The following EXOC4 variants were observed in gnomAD, a reference collection of about 807,000 sequenced individuals.
EXOC4 encodes SEC8-like 1.
EXOC4 carries 71 observed loss-of-function variants against 107.2 expected under a neutral mutation model. That is an observed-to-expected ratio of 0.66 (90% CI 0.55 to 0.81). EXOC4 has a LOEUF of 0.81. EXOC4 is among the 30% of genes least tolerant of loss of function. EXOC4 has a pLI of 0.00. For synonymous variants in EXOC4, 456 were observed against 441.2 expected (o/e 1.03, Z -0.42); for missense variants, 1,108 against 1,189.6 (o/e 0.93, Z 1.01).
At chr7:134,078,851 C>G in the EXOC4 span, among the ~76,000 whole-genome samples, 28,082 of 152,170 alleles carry the variant, frequency 0.18, 3,633 homozygotes, top group African/African-American at 0.37. Context: ...TATAGAACTT[C>G]TTGCATCTTG....
chr7:133,702,933 T>A (rs1285937298), intron 10 of EXOC4, among the ~76,000 whole-genome samples: 2 of 152,208 alleles, frequency 1.3e-5, no homozygotes, highest in African/African-American at 2.4e-5. Context: ...ATTATCACAA[T>A]CACCTTGATT....
At chr7:133,342,239 G>T (rs541198874) in intron 5 of EXOC4, among the ~76,000 whole-genome samples, 1 of 152,008 alleles carries the variant, frequency 6.6e-6, no homozygotes, top group Non-Finnish European at 1.5e-5. Context: ...TAGTAGTGGC[G>T]AATTCTCTTA....
intron 6 of EXOC4, among the ~76,000 whole-genome samples, chr7:133,364,445 T>C (rs1796207138): frequency 6.6e-6 from 1 of 152,002 alleles, no homozygotes; most frequent in Admixed American, 6.5e-5. Flanking sequence ...TGGCCAGTTT[T>C]AATGAATGAA....
intron 14 of EXOC4, among the ~76,000 whole-genome samples, chr7:133,947,741 T>A (rs2116775356): frequency 6.6e-6 from 1 of 152,330 alleles, no homozygotes; most frequent in Non-Finnish European, 1.5e-5. Context: ...TTCTAAGTAC[T>A]TGCCCATAAA....
chr7:133,903,174 A>G (rs981462559), intron 12 of EXOC4, among the ~76,000 whole-genome samples: 24 of 152,230 alleles, frequency 1.6e-4, no homozygotes, highest in African/African-American at 5.3e-4. Context: ...GTATTGAAGG[A>G]TCACCAAGAG....
At chr7:133,787,293 A>G (rs960772857) in intron 10 of EXOC4, among the ~76,000 whole-genome samples, 20 of 149,666 alleles carry the variant, frequency 1.3e-4, no homozygotes, top group Middle Eastern at 3.4e-3. Context: ...CAGCCTCCCA[A>G]GTAGCTGGCA....
intron 11 of EXOC4, among the ~76,000 whole-genome samples, chr7:133,872,227 A>T (rs990299983): frequency 5.9e-5 from 9 of 152,232 alleles, no homozygotes; most frequent in African/African-American, 1.9e-4. Flanking sequence ...TTTTATTTCA[A>T]ATATAAACCC....
At chr7:133,435,291 TA>T (rs370423417) in intron 7 of EXOC4, among the ~76,000 whole-genome samples, 100 of 149,908 alleles carry the variant, frequency 6.7e-4, no homozygotes, top group African/African-American at 2.2e-3. Flanking sequence ...AGACTTCCAT[TA>T]AAAAAAAAAT....
intron 11 of EXOC4, among the ~76,000 whole-genome samples, chr7:133,852,678 A>C (rs967335775): frequency 6.6e-6 from 1 of 152,222 alleles, no homozygotes; most frequent in African/African-American, 2.4e-5. Context: ...AAGTTTAATC[A>C]ATAGTTTCTA....
Position 133,417,671 on chromosome 7 carries a change from G to A in EXOC4, c.1182+42669G>A, listed in dbSNP as rs549493102. Among the ~76,000 whole-genome samples the A allele has an allele frequency of 1.2e-4, 18 of 152,162 alleles. No individual in the cohort carries two copies. The South Asian group carries it at 2.7e-3, about 23-fold the overall frequency. On this transcript the variant is annotated intron_variant, in intron 7 of 17. Transcript: ENST00000253861. ...TCTGCCTCTGTACTAGTGACATCAA[G>A]GACAGATCATATGAGTAATATCCCC...
chr7:133,971,361 T>TATATATATATATATAGAG (rs1489958236), intron 14 of EXOC4, among the ~76,000 whole-genome samples: 7 of 75,068 alleles, frequency 9.3e-5, no homozygotes, highest in South Asian at 1.0e-3. Context: ...TATATATATA[T>TATATATATATATATAGAG]AGAGAGAGAG....
At chr7:133,971,351 TATATATATATAGAGAGAGAGAGAG>T (rs1450527504) in intron 14 of EXOC4, among the ~76,000 whole-genome samples, 1 of 102,296 alleles carries the variant, frequency 9.8e-6, no homozygotes, top group Admixed American at 1.1e-4. Flanking sequence ...TATATATATA[TATATATATATAGAGAGAGAGAGAG>T]AGAGAGAGAG....
Position 133,508,209 on chromosome 7 carries a change from G to A in EXOC4, c.1417+28071G>A, listed in dbSNP as rs533056168. ...GAGAACTTAAGTCTTTTCAATGAAA[G>A]AAATGAAATATGAAGTATTTCCCGA... On this transcript the variant is annotated intron_variant, in intron 9 of 17. Transcript: ENST00000253861. 1.4e-4 allele frequency among the ~76,000 whole-genome samples: 21 copies of A among 152,066 alleles called. 3 individuals are homozygous for A. The South Asian group carries it at 4.4e-3, about 32-fold the overall frequency.
chr7:133,937,323 A>G (rs1800326935), intron 13 of EXOC4, among the ~76,000 whole-genome samples: 1 of 152,150 alleles, frequency 6.6e-6, no homozygotes, highest in Non-Finnish European at 1.5e-5. Context: ...AAATGCCTTA[A>G]TACTTATACT....
intron 9 of EXOC4, among the ~76,000 whole-genome samples, chr7:133,530,393 T>TA (rs1800159262): frequency 6.6e-6 from 1 of 152,216 alleles, no homozygotes; most frequent in Admixed American, 6.5e-5. Flanking sequence ...CATAGCCTAC[T>TA]ACACACCTAG....
chr7:134,036,240 C>T (rs754743733), intron 17 of EXOC4, among the ~76,000 whole-genome samples: 1 of 151,998 alleles, frequency 6.6e-6, no homozygotes, highest in Non-Finnish European at 1.5e-5. Flanking sequence ...AGTAATTTTC[C>T]CTTGAGATAT....
chr7:133,885,547 G>A (rs984684409), intron 11 of EXOC4, among the ~76,000 whole-genome samples: 2 of 152,172 alleles, frequency 1.3e-5, no homozygotes, highest in Non-Finnish European at 2.9e-5. Context: ...ACAGGAATTA[G>A]CAGCCTAGTG....
intron 10 of EXOC4, among the ~76,000 whole-genome samples, chr7:133,742,017 G>T (rs968005518): frequency 2.6e-5 from 4 of 152,212 alleles, no homozygotes; most frequent in South Asian, 2.1e-4. Flanking sequence ...TTGTCACGTT[G>T]TAGTGAATGT....
chr7:133,846,239 T>G lies in EXOC4; in HGVS notation c.1734+28695T>G, dbSNP rs150047595. Among the ~76,000 whole-genome samples, 129 of 152,336 alleles carry G rather than the reference T, an allele frequency of 8.5e-4. No individual in the cohort carries two copies. The Middle Eastern group carries it at 0.017, about 20-fold the overall frequency. ...AGCTGCCTGCCTCATTACCTTAGAC[T>G]TTCATATAATCTTTTAAGTCTTTAG... On this transcript the variant is annotated intron_variant, in intron 11 of 17. Coordinates refer to ENST00000253861, the MANE Select transcript of EXOC4 (RefSeq NM_021807.4).
Sources: allele counts gnomAD v4.1 joint callset (sites outside exome capture counted in the v4.1 genomes callset), GRCh38; gene constraint gnomAD v4.1.1; transcripts MANE v1.5; gene names NCBI Gene and HGNC (gene_info 2026-07-23, HGNC 2026-07-21).